The following ANKS1B variants were observed in gnomAD, a reference collection of about 807,000 sequenced individuals.
The protein encoded by ANKS1B is ankyrin repeat and sterile alpha motif domain containing 1B.
ANKS1B carries 36 observed loss-of-function variants against 148.3 expected under a neutral mutation model. The ratio of observed to expected loss-of-function variants is 0.24; its 90% CI spans 0.19 to 0.32. The LOEUF is 0.32. ANKS1B is among the 10% of genes least tolerant of loss of function. ANKS1B has a pLI of 1.00. For missense variants in ANKS1B, 1,157 were observed against 1,542.6 expected (o/e 0.75, Z 4.19); for synonymous variants, 542 against 560.8 (o/e 0.97, Z 0.47).
intron 17 of ANKS1B, among the ~76,000 whole-genome samples, chr12:98,944,035 C>A (rs2099841195): frequency 6.6e-6 from 1 of 152,138 alleles, no homozygotes; most frequent in East Asian, 1.9e-4. Flanking sequence ...CACGGTGGCT[C>A]ATGCCTGTAA....
rs561563600 is a variant in ANKS1B at position 99,791,090 on chromosome 12, A to G, written c.670-8993T>C. Among the ~76,000 whole-genome samples the G allele has an allele frequency of 5.9e-5, 9 of 152,182 alleles. No individual in the cohort carries two copies. The South Asian group carries it at 6.2e-4, about 11-fold the overall frequency. On this transcript the variant is annotated intron_variant, in intron 4 of 26. Transcript: ENST00000683438. ...AATAAGTGGATGAAAAAAGTATTCC[A>G]TGTCAACAGAAACCAAAAAACCACA...
At chr12:99,623,066 C>T (rs546011388) in intron 9 of ANKS1B, among the ~76,000 whole-genome samples, 49 of 152,152 alleles carry the variant, frequency 3.2e-4, no homozygotes, top group South Asian at 8.3e-4. Flanking sequence ...ATCACACAGA[C>T]TTCATTCCTG....
intron 17 of ANKS1B, among the ~76,000 whole-genome samples, chr12:98,981,644 A>C (rs1417212509): frequency 2.0e-5 from 3 of 152,196 alleles, no homozygotes; most frequent in Non-Finnish European, 4.4e-5. Flanking sequence ...CATATTGTTC[A>C]GTTTTTAATG....
Position 99,646,579 on chromosome 12 carries a change from A to G in ANKS1B, c.1272+8488T>C, listed in dbSNP as rs1420358699. Among the ~76,000 whole-genome samples, 5 of 142,972 alleles carry G rather than the reference A, an allele frequency of 3.5e-5. No individual in the cohort carries two copies. The East Asian group carries it at 6.7e-4, about 19-fold the overall frequency. The allele number at this position is 142,972 out of a possible 152,430, so 93.8% of individuals were successfully genotyped here. On this transcript the variant is annotated intron_variant, in intron 9 of 26. Transcript: ENST00000683438. ...TGATGCAGGAGAATCACTTGAACCCAGGAGGCGGAGGTTGCAGTGAGCCAA... is the reference window on the plus strand; with the variant it reads ...TGATGCAGGAGAATCACTTGAACCCGGGAGGCGGAGGTTGCAGTGAGCCAA...
chr12:99,051,183 A>G (rs1432063010), intron 17 of ANKS1B, among the ~76,000 whole-genome samples: 1 of 152,094 alleles, frequency 6.6e-6, no homozygotes, highest in Non-Finnish European at 1.5e-5. Context: ...GCACTGGGGA[A>G]AGTGAGTGCC....
chr12:99,286,166 A>G (rs1365381450), intron 12 of ANKS1B, among the ~76,000 whole-genome samples: 1 of 151,476 alleles, frequency 6.6e-6, no homozygotes, highest in Admixed American at 6.6e-5. Flanking sequence ...GCTTGAGAAG[A>G]AGAGAGGGGA....
intron 10 of ANKS1B, among the ~76,000 whole-genome samples, chr12:99,466,329 G>C (rs538394588): frequency 1.4e-3 from 217 of 152,258 alleles, no homozygotes; most frequent in African/African-American, 4.8e-3. Context: ...GCTCACGAGA[G>C]AAAGCAGGAA....
intron 10 of ANKS1B, among the ~76,000 whole-genome samples, chr12:99,496,565 C>G (rs896730972): frequency 1.3e-5 from 2 of 152,184 alleles, no homozygotes; most frequent in Non-Finnish European, 2.9e-5. Flanking sequence ...CTAGAACAAT[C>G]TTATTCTTTA....
intron 5 of ANKS1B, among the ~76,000 whole-genome samples, chr12:99,780,877 T>C (rs537804492): frequency 5.0e-4 from 76 of 152,334 alleles, no homozygotes; most frequent in African/African-American, 1.7e-3. Context: ...TATTTATTTA[T>C]GCAAGATTGT....
intron 1 of ANKS1B, among the ~76,000 whole-genome samples, chr12:99,865,105 A>C (rs1458631421): frequency 1.3e-5 from 2 of 152,250 alleles, no homozygotes; most frequent in Admixed American, 6.5e-5. Context: ...GGTGTCCTAC[A>C]CATGCAAATA....
chr12:99,148,943 G>A (rs760561612), intron 15 of ANKS1B, among the ~76,000 whole-genome samples: 4 of 151,972 alleles, frequency 2.6e-5, no homozygotes, highest in Non-Finnish European at 4.4e-5. Context: ...TCAACTCTGA[G>A]CCTAGACTGT....
intron 9 of ANKS1B, among the ~76,000 whole-genome samples, chr12:99,557,353 T>A (rs890234057): frequency 6.6e-6 from 1 of 152,208 alleles, no homozygotes; most frequent in African/African-American, 2.4e-5. Flanking sequence ...GTTTTGTTCA[T>A]TTTTTTAATT....
At chr12:98,890,640 GC>G (rs1182742823) in intron 17 of ANKS1B, among the ~76,000 whole-genome samples, 25 of 152,304 alleles carry the variant, frequency 1.6e-4, no homozygotes, top group African/African-American at 6.0e-4. Flanking sequence ...ACAACTACGT[GC>G]AAGTCATTCT....
chr12:99,112,258 T>C (rs1385783418), intron 15 of ANKS1B, among the ~76,000 whole-genome samples: 1 of 152,154 alleles, frequency 6.6e-6, no homozygotes, highest in Non-Finnish European at 1.5e-5. Flanking sequence ...ATTATCAAAA[T>C]GTTCTTAGAT....
chr12:99,124,416 GCA>G (rs1491502094), intron 15 of ANKS1B, among the ~76,000 whole-genome samples: 2 of 136,850 alleles, frequency 1.5e-5, no homozygotes, highest in African/African-American at 5.4e-5. Context: ...TTATTTGTGT[GCA>G]TGTGTGTGTG....
intron 20 of ANKS1B, among the ~76,000 whole-genome samples, chr12:98,806,676 T>C (rs2099053352): frequency 6.6e-6 from 1 of 152,176 alleles, no homozygotes; most frequent in South Asian, 2.1e-4. Context: ...CCCATAAACA[T>C]TCACACATAA....
chr12:98,831,969 C>G, intron 18 of ANKS1B, 60 bp downstream of exon 18: 1 of 1,478,252 alleles, frequency 6.8e-7, no homozygotes, highest in Non-Finnish European at 9.3e-7. Context: ...CCAGGCTGGT[C>G]TCAAACAAAT....
chr12:99,478,629 G>C (rs973372344), intron 10 of ANKS1B, among the ~76,000 whole-genome samples: 1 of 152,056 alleles, frequency 6.6e-6, no homozygotes, highest in African/African-American at 2.4e-5. Context: ...TAGTGAGTGA[G>C]AAAGATTTGA....
At chr12:99,133,177 A>G (rs1180927818) in intron 15 of ANKS1B, among the ~76,000 whole-genome samples, 2 of 150,758 alleles carry the variant, frequency 1.3e-5, no homozygotes, top group African/African-American at 4.9e-5. Flanking sequence ...TCAGCCTCCC[A>G]AGTAGCTGGG....
Sources: allele counts gnomAD v4.1 joint callset (sites outside exome capture counted in the v4.1 genomes callset), GRCh38; gene constraint gnomAD v4.1.1; transcripts MANE v1.5; gene names NCBI Gene and HGNC (gene_info 2026-07-23, HGNC 2026-07-21).